Variants in GPC5 observed in about 807,000 individuals in gnomAD.
The protein encoded by GPC5 is glypican-5.
A neutral mutation model predicts 53.9 loss-of-function variants in GPC5; 47 were observed. The ratio of observed to expected loss-of-function variants is 0.87; its 90% CI spans 0.69 to 1.11. The LOEUF is 1.11. GPC5 is among the 50% of genes most tolerant of loss of function. The pLI is 0.00. For missense variants in GPC5, 748 were observed against 713.1 expected (o/e 1.05, Z -0.56); for synonymous variants, 286 against 263.3 (o/e 1.09, Z -0.84).
At chr13:92,685,562 T>TTTTTTTTTTTTTAAA (rs1887245522) in intron 7 of GPC5, among the ~76,000 whole-genome samples, 10 of 69,398 alleles carry the variant, frequency 1.4e-4, no homozygotes, top group African/African-American at 5.6e-4. Flanking sequence ...TTTTTTTAAT[T>TTTTTTTTTTTTTAAA]TTTTTTTTTT....
chr13:91,743,158 T>C (rs1231882947), intron 4 of GPC5, among the ~76,000 whole-genome samples: 1 of 152,074 alleles, frequency 6.6e-6, no homozygotes, highest in East Asian at 1.9e-4. Flanking sequence ...TCCCAACAAG[T>C]GAATCTTCTA....
intron 2 of GPC5, among the ~76,000 whole-genome samples, chr13:91,567,981 T>C (rs1032349117): frequency 1.3e-5 from 2 of 152,136 alleles, no homozygotes; most frequent in African/African-American, 4.8e-5. Flanking sequence ...GAGTGAGTTC[T>C]CACGAGATCT....
At chr13:92,603,449 T>C (rs1051533147) in intron 7 of GPC5, among the ~76,000 whole-genome samples, 1 of 152,194 alleles carries the variant, frequency 6.6e-6, no homozygotes, top group Non-Finnish European at 1.5e-5. Context: ...AAAAATTTAC[T>C]AAACCTAGAT....
At chr13:91,649,029 C>T (rs1344869675) in intron 2 of GPC5, among the ~76,000 whole-genome samples, 1 of 152,150 alleles carries the variant, frequency 6.6e-6, no homozygotes, top group Admixed American at 6.5e-5. Context: ...CCGCTGTTCT[C>T]ATGGTAGTGA....
chr13:92,571,871 T>A (rs1248821662), intron 7 of GPC5, among the ~76,000 whole-genome samples: 1 of 152,056 alleles, frequency 6.6e-6, no homozygotes, highest in Non-Finnish European at 1.5e-5. Context: ...AGGTCCCATA[T>A]CTACAAAAAC....
intron 7 of GPC5, among the ~76,000 whole-genome samples, chr13:92,327,637 C>A (rs1242254019): frequency 2.0e-5 from 3 of 152,108 alleles, no homozygotes; most frequent in Admixed American, 6.6e-5. Context: ...TCCTAACATT[C>A]ACAGTGGTCT....
intron 6 of GPC5, among the ~76,000 whole-genome samples, chr13:92,001,046 AG>A (rs1417508397): frequency 3.3e-5 from 5 of 152,328 alleles, no homozygotes; most frequent in African/African-American, 1.2e-4. Context: ...ACTTTAAGTA[AG>A]TATGTCTTCC....
intron 7 of GPC5, among the ~76,000 whole-genome samples, chr13:92,633,745 T>C (rs1212195200): frequency 1.3e-5 from 2 of 152,158 alleles, no homozygotes; most frequent in Non-Finnish European, 2.9e-5. Context: ...TCTGCCATAT[T>C]AATCAGTACT....
intron 7 of GPC5, among the ~76,000 whole-genome samples, chr13:92,496,417 C>T (rs919181786): frequency 6.6e-6 from 1 of 152,086 alleles, no homozygotes; most frequent in Non-Finnish European, 1.5e-5. Flanking sequence ...GACAAATACA[C>T]AGTATGTGTC....
intron 7 of GPC5, among the ~76,000 whole-genome samples, chr13:92,584,372 A>G (rs1883468306): frequency 6.6e-6 from 1 of 152,196 alleles, no homozygotes; most frequent in Non-Finnish European, 1.5e-5. Flanking sequence ...TGTTTTAGCA[A>G]AAAGACTTGC....
chr13:92,713,328 C>T (rs1029677048), intron 7 of GPC5, among the ~76,000 whole-genome samples: 1 of 151,448 alleles, frequency 6.6e-6, no homozygotes, highest in South Asian at 2.1e-4. Context: ...TGTGGTGGCT[C>T]ACGCTTGTAA....
intron 7 of GPC5, among the ~76,000 whole-genome samples, chr13:92,556,396 C>G (rs946252978): frequency 6.6e-6 from 1 of 151,420 alleles, no homozygotes; most frequent in Non-Finnish European, 1.5e-5. Flanking sequence ...GAGTACTAGT[C>G]TTTTCTATAT....
At position 91,544,011 on chromosome 13, in the gene GPC5, C is replaced by T. The variant is rs188698330; in HGVS notation, c.325+95089C>T. 2.8e-3 allele frequency among the ~76,000 whole-genome samples: 431 copies of T among 152,026 alleles called. 3 individuals are homozygous for T. Among genetic ancestry groups the T allele is most frequent in the African/African-American group, 0.01 (419 of 41,504 alleles). On this transcript the variant is annotated intron_variant, in intron 2 of 7. Coordinates refer to ENST00000377067, the MANE Select transcript of GPC5 (RefSeq NM_004466.6). ...TTGCTGTATATTTGAAATTTTCCTG[C>T]CTGAATCCCCATTTATTTGTTCTCA... is the stretch of plus-strand genomic sequence containing the variant.
chr13:92,605,609 G>T (rs1884226425), intron 7 of GPC5, among the ~76,000 whole-genome samples: 1 of 141,746 alleles, frequency 7.1e-6, no homozygotes. Flanking sequence ...TTGAGACGGA[G>T]TCTCGCTCTG....
At chr13:92,775,920 A>C (rs1442025664) in intron 7 of GPC5, among the ~76,000 whole-genome samples, 1 of 152,172 alleles carries the variant, frequency 6.6e-6, no homozygotes, top group Non-Finnish European at 1.5e-5. Context: ...TTAAGCACCT[A>C]CTCTGTGGCA....
chr13:91,897,335 C>CTGTGTGTGTGTGTG (rs34783532), intron 5 of GPC5, among the ~76,000 whole-genome samples: 2 of 139,436 alleles, frequency 1.4e-5, no homozygotes, highest in East Asian at 2.4e-4. Context: ...ATAGAGAATG[C>CTGTGTGTGTGTGTG]TGTGTGTGTG....
chr13:92,393,572 C>T (rs544572708), intron 7 of GPC5, among the ~76,000 whole-genome samples: 74 of 152,198 alleles, frequency 4.9e-4, no homozygotes, highest in African/African-American at 1.7e-3. Context: ...TCACTTGAAC[C>T]GGGAAGGCGG....
intron 5 of GPC5, among the ~76,000 whole-genome samples, chr13:91,846,960 C>T (rs1002516648): frequency 6.6e-6 from 1 of 152,066 alleles, no homozygotes; most frequent in Admixed American, 6.6e-5. Context: ...TGGCTCACTC[C>T]TGTAATCCCA....
intron 3 of GPC5, among the ~76,000 whole-genome samples, chr13:91,709,139 A>G (rs1423938330): frequency 6.6e-6 from 1 of 152,170 alleles, no homozygotes; most frequent in Non-Finnish European, 1.5e-5. Flanking sequence ...GACATTGGGT[A>G]TTACCAGCTG....
Sources: gnomAD v4.1 joint callset for allele counts (sites outside exome capture counted in the v4.1 genomes callset) on GRCh38, gnomAD v4.1.1 for gene constraint, MANE v1.5 for transcripts, NCBI Gene and HGNC (gene_info 2026-07-23, HGNC 2026-07-21) for gene names.